The following NCOA1 variants were observed in gnomAD, a reference collection of about 807,000 sequenced individuals.
The protein encoded by NCOA1 is Hin-2 protein.
A neutral mutation model predicts 150.9 loss-of-function variants in NCOA1; 35 were observed. That is an observed-to-expected ratio of 0.23 (90% CI 0.18 to 0.31). The LOEUF is 0.31. NCOA1 is among the 10% of genes least tolerant of loss of function. The pLI, the probability that NCOA1 is intolerant of heterozygous loss-of-function variation, is 1.00. For missense variants in NCOA1, 1,491 were observed against 1,749.3 expected (o/e 0.85, Z 2.63); for synonymous variants, 590 against 630.0 (o/e 0.94, Z 0.95).
chr2:24,576,163 G>GTCTTTTTTTTTTTTTTTTTTT (rs1666961838), intron 2 of NCOA1, among the ~76,000 whole-genome samples: 1 of 92,734 alleles, frequency 1.1e-5, no homozygotes, highest in Non-Finnish European at 2.1e-5. Flanking sequence ...TTTTTTTTTT[G>GTCTTTTTTTTTTTTTTTTTTT]TTTTTTGTTT....
intron 1 of NCOA1, among the ~76,000 whole-genome samples, chr2:24,530,208 T>G (rs1664824182): frequency 6.6e-6 from 1 of 152,136 alleles, no homozygotes; most frequent in Non-Finnish European, 1.5e-5. Context: ...AGTGTGGATT[T>G]AAGCAAAAAA....
At chr2:24,712,260 C>G (rs1261272571) in intron 14 of NCOA1, among the ~76,000 whole-genome samples, 1 of 152,200 alleles carries the variant, frequency 6.6e-6, no homozygotes, top group Non-Finnish European at 1.5e-5. Flanking sequence ...CAGTGAGGCT[C>G]TAGACTGGAA....
At chr2:24,712,913 C>T (rs1428905813) in intron 14 of NCOA1, among the ~76,000 whole-genome samples, 3 of 152,044 alleles carry the variant, frequency 2.0e-5, no homozygotes, top group East Asian at 1.9e-4. Flanking sequence ...AGGTCCACCT[C>T]AGAGGGCCAG....
chr2:24,746,416 G>A (rs565836481), intron 19 of NCOA1, among the ~76,000 whole-genome samples: 24 of 152,220 alleles, frequency 1.6e-4, no homozygotes, highest in East Asian at 1.5e-3. Flanking sequence ...GGTGGTGGGC[G>A]CCTGTAGTCC....
chr2:24,640,753 A>T (rs1670176333), intron 3 of NCOA1, among the ~76,000 whole-genome samples: 1 of 152,060 alleles, frequency 6.6e-6, no homozygotes, highest in South Asian at 2.1e-4. Flanking sequence ...ACTTTCGCTG[A>T]TATTTATATT....
chr2:24,634,708 A>ACCCCCCCCCCCCCCCCC (rs530645429), intron 3 of NCOA1, among the ~76,000 whole-genome samples: 6 of 39,718 alleles, frequency 1.5e-4, no homozygotes, highest in African/African-American at 2.3e-4. Context: ...TAGGGGAGGA[A>ACCCCCCCCCCCCCCCCC]CCCCCCCCCC....
chr2:24,740,771 T>C (rs577659791), intron 18 of NCOA1, among the ~76,000 whole-genome samples: 9 of 152,208 alleles, frequency 5.9e-5, no homozygotes, highest in Non-Finnish European at 1.2e-4. Flanking sequence ...CACTTTTGGA[T>C]TCACATAAAG....
chr2:24,732,268 G>A (rs1347655796), intron 17 of NCOA1, among the ~76,000 whole-genome samples: 2 of 152,092 alleles, frequency 1.3e-5, no homozygotes, highest in Non-Finnish European at 2.9e-5. Flanking sequence ...TCTCATGGAT[G>A]CCTATCCAGA....
At chr2:24,614,199 C>CTTTTTTTTTTT (rs869113477) in intron 3 of NCOA1, among the ~76,000 whole-genome samples, 98 of 9,170 alleles carry the variant, frequency 0.011, 28 homozygotes, top group African/African-American at 0.017. Context: ...CATTTCCATT[C>CTTTTTTTTTTT]TTTTTTTTTT....
At chr2:24,570,629 A>G (rs2148279391) in intron 2 of NCOA1, among the ~76,000 whole-genome samples, 1 of 152,340 alleles carries the variant, frequency 6.6e-6, no homozygotes, top group South Asian at 2.1e-4. Flanking sequence ...TGCTAACTGC[A>G]CGGGCAGAAA....
intron 1 of NCOA1, chr2:24,554,476 A>G (rs1392434910): frequency 1.3e-5 from 2 of 152,066 alleles, no homozygotes; most frequent in Non-Finnish European, 2.9e-5. Context: ...GGAAAAGAGG[A>G]CAGGAGATAC....
chr2:24,533,609 G>C (rs1664992437), intron 1 of NCOA1, among the ~76,000 whole-genome samples: 1 of 152,088 alleles, frequency 6.6e-6, no homozygotes, highest in Non-Finnish European at 1.5e-5. Context: ...TTATTATTTT[G>C]AGATATGTTC....
intron 3 of NCOA1, among the ~76,000 whole-genome samples, chr2:24,637,966 G>A (rs2148448084): frequency 6.6e-6 from 1 of 152,178 alleles, no homozygotes; most frequent in African/African-American, 2.4e-5. Flanking sequence ...AAAGTGCTGG[G>A]ATTACAGACG....
chr2:24,557,462 C>T (rs866136381), intron 1 of NCOA1, among the ~76,000 whole-genome samples: 20 of 151,920 alleles, frequency 1.3e-4, no homozygotes, highest in Middle Eastern at 3.4e-3. Context: ...ATTTATCTTC[C>T]AATGCTCTTC....
chr2:24,726,702 G>A lies in NCOA1; in HGVS notation c.2713G>A (p.Glu905Lys). ...TVTAINQSKS[E>K]DQCISSQLDE... is the part of the protein sequence containing the mutation. ...GACAGCTATAAATCAGAGTAAATCA[G>A]AAGAGTAAGTAATACATTTTGTATT... Residue 905 changes from glutamate to lysine, a missense_variant, in exon 15 of 23, where the codon GAA (glutamate) becomes AAA (lysine). By Grantham distance (56) the Glu-to-Lys change is moderately conservative. Transcript: ENST00000348332. 6.3e-7 allele frequency: 1 copy of A among 1,587,410 alleles called. No homozygotes were observed. Among genetic ancestry groups the A allele is most frequent in the Non-Finnish European group, 8.6e-7 (1 of 1,161,556 alleles).
At chr2:24,592,009 A>G (rs1244267127) in intron 3 of NCOA1, among the ~76,000 whole-genome samples, 3 of 152,162 alleles carry the variant, frequency 2.0e-5, no homozygotes, top group Non-Finnish European at 2.9e-5. Flanking sequence ...CCATTAGTTT[A>G]TAAGCTCCAT....
intron 7 of NCOA1, among the ~76,000 whole-genome samples, chr2:24,680,946 G>A (rs1220411117): frequency 6.6e-6 from 1 of 151,952 alleles, no homozygotes; most frequent in Admixed American, 6.6e-5. Context: ...ACTAAATTAC[G>A]ATAGTCATTT....
In NCOA1 at chr2:24,610,217, C is replaced by T. The variant is rs368346325; in HGVS notation, c.-175+25657C>T. On this transcript the variant is annotated intron_variant, in intron 3 of 22. Transcript: ENST00000348332. ...TCTGCTCACTGCAACCTCCATCTTC[C>T]GGTTCAAGCGATTCTCCTGCCTCAG... Among the ~76,000 whole-genome samples the T allele has an allele frequency of 4.6e-4, 68 of 149,338 alleles. No individual in the cohort carries two copies. In the East Asian group the frequency reaches 5.9e-3, roughly 13 times the overall value.
chr2:24,639,810 C>G (rs532610399), intron 3 of NCOA1, among the ~76,000 whole-genome samples: 1 of 150,364 alleles, frequency 6.7e-6, no homozygotes, highest in Non-Finnish European at 1.5e-5. Context: ...ATCTCTTGAA[C>G]CTGGGAGGCG....
Sources: allele counts gnomAD v4.1 joint callset (sites outside exome capture counted in the v4.1 genomes callset), GRCh38; gene constraint gnomAD v4.1.1; transcripts MANE v1.5; gene names NCBI Gene and HGNC (gene_info 2026-07-23, HGNC 2026-07-21).